SCD5: variants seen among roughly 807,000 people sequenced by gnomAD.
SCD5 encodes stearoyl-CoA desaturase 5, also known as acyl-CoA-desaturase 4.
In SCD5, 20 loss-of-function variants were observed where a neutral mutation model predicts 30.4. The ratio of observed to expected loss-of-function variants is 0.66; its 90% confidence interval spans 0.46 to 0.96. The LOEUF (loss-of-function observed/expected upper bound fraction) is 0.96. SCD5 is among the 40% of genes least tolerant of loss of function. The pLI is 0.00. For synonymous variants in SCD5, 173 were observed against 176.4 expected, an observed-to-expected ratio of 0.98 and a Z score of 0.16; for missense variants, 381 against 443.3, an observed-to-expected ratio of 0.86 and a Z score of 1.26.
chr4:82,710,535 C>T (rs1720061324), intron 1 of SCD5, among the ~76,000 whole-genome samples: 1 of 152,086 alleles, frequency 6.6e-6, no homozygotes, highest in Admixed American at 6.5e-5. Context: ...TCAGGGTGTG[C>T]AGTGGGGAGC....
At chr4:82,729,259 T>C (rs1054353359) in intron 1 of SCD5, among the ~76,000 whole-genome samples, 1 of 152,086 alleles carries the variant, frequency 6.6e-6, no homozygotes, top group Admixed American at 6.5e-5. Flanking sequence ...CATTTTGGGA[T>C]GGAAGGGTCG....
At chr4:82,797,644 C>T (rs954509335) in intron 1 of SCD5, among the ~76,000 whole-genome samples, 1 of 152,078 alleles carries the variant, frequency 6.6e-6, no homozygotes, top group African/African-American at 2.4e-5. Flanking sequence ...AGACCGCTCT[C>T]GCCATGGGAT....
At chr4:82,703,565 A>G (rs1719904279) in intron 2 of SCD5, among the ~76,000 whole-genome samples, 1 of 152,202 alleles carries the variant, frequency 6.6e-6, no homozygotes, top group African/African-American at 2.4e-5. Context: ...GGGTACTTCC[A>G]TCTACAGTGT....
At chr4:82,761,677 CCACT>C (rs1721371257) in intron 1 of SCD5, among the ~76,000 whole-genome samples, 1 of 151,950 alleles carries the variant, frequency 6.6e-6, no homozygotes, top group Non-Finnish European at 1.5e-5. Context: ...TGCACTGCAC[CCACT>C]AACTCGTCAT....
At chr4:82,722,897 G>A (rs574790312) in intron 1 of SCD5, among the ~76,000 whole-genome samples, 2 of 151,776 alleles carry the variant, frequency 1.3e-5, no homozygotes, top group African/African-American at 2.4e-5. Flanking sequence ...GTGAAACCCC[G>A]TCTCCACTAC....
chr4:82,792,823 C>T (rs560709330), intron 1 of SCD5, among the ~76,000 whole-genome samples: 24 of 152,288 alleles, frequency 1.6e-4, no homozygotes, highest in African/African-American at 4.8e-4. Flanking sequence ...TGTAAAGAAA[C>T]GAGTCTGAAG....
intron 1 of SCD5, among the ~76,000 whole-genome samples, chr4:82,726,308 T>C (rs968682194): frequency 6.6e-6 from 1 of 151,158 alleles, no homozygotes; most frequent in Non-Finnish European, 1.5e-5. Flanking sequence ...TCCCAGCTAC[T>C]CGGGAGGCTG....
intron 3 of SCD5, among the ~76,000 whole-genome samples, chr4:82,662,527 C>A (rs1416398258): frequency 6.6e-6 from 1 of 151,416 alleles, no homozygotes; most frequent in Non-Finnish European, 1.5e-5. Context: ...GATTTATATA[C>A]CAAGTTGATC....
chr4:82,649,323 T>G (rs1401946684), intron 3 of SCD5, among the ~76,000 whole-genome samples: 1 of 152,062 alleles, frequency 6.6e-6, no homozygotes, highest in Non-Finnish European at 1.5e-5. Flanking sequence ...GCTAATCAGT[T>G]CACGTACCAG....
intron 1 of SCD5, among the ~76,000 whole-genome samples, chr4:82,728,710 C>A (rs753529433): frequency 6.6e-6 from 1 of 152,156 alleles, no homozygotes; most frequent in Non-Finnish European, 1.5e-5. Flanking sequence ...TAGCCCCCGA[C>A]CACTGCTCAC....
chr4:82,715,964 G>C (rs1207811634), intron 1 of SCD5, among the ~76,000 whole-genome samples: 4 of 151,772 alleles, frequency 2.6e-5, no homozygotes, highest in Non-Finnish European at 5.9e-5. Context: ...TATATTTGGA[G>C]CTGTCAATTG....
At chr4:82,792,949 T>C (rs528626247) in intron 1 of SCD5, among the ~76,000 whole-genome samples, 3 of 152,304 alleles carry the variant, frequency 2.0e-5, no homozygotes, top group Admixed American at 6.5e-5. Flanking sequence ...TGTTTTAAAA[T>C]TGAGTTAATA....
At chr4:82,714,070 C>T (rs1300278673) in intron 1 of SCD5, among the ~76,000 whole-genome samples, 1 of 152,228 alleles carries the variant, frequency 6.6e-6, no homozygotes, top group Admixed American at 6.5e-5. Context: ...ATACATTACT[C>T]AGAAATTCCT....
At position 82,705,402 on chromosome 4, in the gene SCD5, A is replaced by T. The variant is rs1341887455; in HGVS notation, c.244T>A (p.Phe82Ile). ...GTCACACCCAGAGCGGCCAGGAGGAAGCAGAAGTAGGCTGCAAGACACAAG... is the reference window on the plus strand; with the variant it reads ...GTCACACCCAGAGCGGCCAGGAGGATGCAGAAGTAGGCTGCAAGACACAAG... ...PLTLLWAYFCFLLAALGVTAG... is the reference protein window; with the variant it reads ...PLTLLWAYFCILLAALGVTAG... Residue 82 changes from phenylalanine (F) to isoleucine (I), a missense_variant, in exon 2 of 5, where the codon TTC (phenylalanine) becomes ATC (isoleucine). Physicochemically the swap from Phe to Ile is conservative, Grantham distance 21 (BLOSUM62 0). Coordinates refer to ENST00000319540, the MANE Select transcript of SCD5 (RefSeq NM_001037582.3). The T allele has an allele frequency of 1.2e-6, 2 of 1,614,112 alleles. No homozygotes were observed. Among genetic ancestry groups the T allele is most frequent in the Non-Finnish European group, 1.7e-6 (2 of 1,180,046 alleles).
At chr4:82,709,653 T>C (rs1173274328) in intron 1 of SCD5, among the ~76,000 whole-genome samples, 1 of 152,174 alleles carries the variant, frequency 6.6e-6, no homozygotes, top group Admixed American at 6.5e-5. Context: ...GATCCATGGA[T>C]GGAAGGAAAC....
intron 3 of SCD5, among the ~76,000 whole-genome samples, chr4:82,655,233 C>G: frequency 6.6e-6 from 1 of 152,134 alleles, no homozygotes; most frequent in East Asian, 1.9e-4. Context: ...CTTTTTTTCC[C>G]TTTGTATCTT....
intron 1 of SCD5, among the ~76,000 whole-genome samples, chr4:82,797,769 G>C (rs369653149): frequency 3.9e-5 from 6 of 152,042 alleles, no homozygotes; most frequent in African/African-American, 1.4e-4. Context: ...CTTCCATCTG[G>C]TGCGCGTAAA....
At chr4:82,739,534 C>T (rs1464954) in intron 1 of SCD5, among the ~76,000 whole-genome samples, 65,926 of 152,212 alleles carry the variant, frequency 0.43, 17,257 homozygotes, top group South Asian at 0.59. Flanking sequence ...GAGCCACACT[C>T]CGCCTGCTGG....
chr4:82,749,909 T>G (rs539433256), intron 1 of SCD5, among the ~76,000 whole-genome samples: 1 of 152,244 alleles, frequency 6.6e-6, no homozygotes, highest in African/African-American at 2.4e-5. Context: ...ATTATATTTA[T>G]TTCAGAGGCA....
Sources: allele counts gnomAD v4.1 joint callset (sites outside exome capture counted in the v4.1 genomes callset), GRCh38; gene constraint gnomAD v4.1.1; transcripts MANE v1.5; gene names NCBI Gene and HGNC (gene_info 2026-07-23, HGNC 2026-07-21).